The following SDK1 variants were observed in gnomAD, a reference collection of about 807,000 sequenced individuals.
SDK1 encodes the protein protein sidekick-1.
Under a neutral mutation model 245.5 loss-of-function variants are expected in SDK1, and 157 were observed. That is an observed-to-expected ratio of 0.64 (90% CI 0.56 to 0.73). The LOEUF is 0.73. Among genes scored for constraint, SDK1 ranks in the 30% least tolerant of loss-of-function variants. The probability of loss-of-function intolerance (pLI) is 0.00; values close to 1 mark genes in which losing one functional copy is unlikely to be tolerated. For synonymous variants in SDK1, 1,647 were observed against 1,278.5 expected, an observed-to-expected ratio of 1.29 and a Z score of -6.15; for missense variants, 3,583 against 3,002.3, an observed-to-expected ratio of 1.19 and a Z score of -4.52.
At chr7:3,549,647 CTTTTTAGCAAAGACTTAGGCTA>C (rs1412015819) in intron 1 of SDK1, among the ~76,000 whole-genome samples, 2 of 152,036 alleles carry the variant, frequency 1.3e-5, no homozygotes, top group Non-Finnish European at 2.9e-5. Context: ...TTTTTCCCTA[CTTTTTAGCAAAGACTTAGGCTA>C]TTGTAAATAA....
intron 12 of SDK1, among the ~76,000 whole-genome samples, chr7:3,972,277 C>T (rs1314258124): frequency 6.6e-6 from 1 of 152,220 alleles, no homozygotes; most frequent in East Asian, 1.9e-4. Flanking sequence ...GACGGCGTTT[C>T]ACCATGTTAG....
rs1165013322 is a variant in SDK1 at position 4,021,864 on chromosome 7, T to A, written c.2602+4512T>A. 3.9e-5 allele frequency among the ~76,000 whole-genome samples: 6 copies of A among 152,252 alleles called. No homozygotes were observed. The East Asian group carries it at 1.2e-3, about 29-fold the overall frequency. On this transcript the variant is annotated intron_variant, in intron 17 of 44. Coordinates refer to ENST00000404826, the MANE Select transcript of SDK1 (RefSeq NM_152744.4). Reference sequence around the variant, plus strand: ...CTTCTGCCTCACTTTCTAAGTGAGATGAAATCTGACAATGGGCTCCTGGCT... The same window carrying A: ...CTTCTGCCTCACTTTCTAAGTGAGAAGAAATCTGACAATGGGCTCCTGGCT...
At chr7:3,534,676 T>C (rs1778823071) in intron 1 of SDK1, among the ~76,000 whole-genome samples, 1 of 152,198 alleles carries the variant, frequency 6.6e-6, no homozygotes, top group Non-Finnish European at 1.5e-5. Context: ...TTTCCTCGGT[T>C]GTTTGTGATA....
intron 1 of SDK1, among the ~76,000 whole-genome samples, chr7:3,362,235 T>C (rs1208720203): frequency 3.9e-5 from 6 of 152,208 alleles, no homozygotes; most frequent in Non-Finnish European, 7.4e-5. Flanking sequence ...CAGTGTGTAA[T>C]CTGTTTTCAC....
chr7:3,456,806 A>C (rs1187672153), intron 1 of SDK1, among the ~76,000 whole-genome samples: 4 of 152,138 alleles, frequency 2.6e-5, no homozygotes, highest in African/African-American at 9.7e-5. Flanking sequence ...CTGTTATGTT[A>C]GGAGACTCTT....
In SDK1 at chr7:3,524,729, CTGTT is replaced by C. The variant is rs113086144; in HGVS notation, c.299-94350_299-94347del. ...TTTAGACATGTTCACTTTGAGAAGT[CTGTT>C]AGGTAGCCAGAAGGAACTGTTGCAC... On this transcript the variant is annotated intron_variant, in intron 1 of 44. Transcript: ENST00000404826. 3.2e-4 allele frequency among the ~76,000 whole-genome samples: 49 copies of C among 152,132 alleles called. 1 individual carries two copies. Among genetic ancestry groups the C allele is most frequent in the Admixed American group, 1.2e-3 (18 of 15,262 alleles).
At chr7:3,972,866 GCAAAA>G (rs929597922) in intron 12 of SDK1, among the ~76,000 whole-genome samples, 7 of 152,220 alleles carry the variant, frequency 4.6e-5, no homozygotes, top group Non-Finnish European at 1.0e-4. Flanking sequence ...GGTGCCGAAT[GCAAAA>G]CAAAACAAGC....
intron 1 of SDK1, among the ~76,000 whole-genome samples, chr7:3,526,865 T>C (rs988906248): frequency 3.3e-5 from 5 of 152,218 alleles, no homozygotes; most frequent in African/African-American, 1.2e-4. Flanking sequence ...TTTAGCTTTA[T>C]ATTATGAAGA....
At chr7:3,846,195 C>G (rs777737946) in intron 5 of SDK1, among the ~76,000 whole-genome samples, 4 of 152,004 alleles carry the variant, frequency 2.6e-5, no homozygotes, top group Admixed American at 6.5e-5. Flanking sequence ...GTGCCCAACA[C>G]ATGCATGTAC....
At chr7:3,665,090 A>T (rs962538197) in intron 4 of SDK1, among the ~76,000 whole-genome samples, 1 of 152,076 alleles carries the variant, frequency 6.6e-6, no homozygotes, top group East Asian at 1.9e-4. Context: ...GAAAGAGTGG[A>T]CTCTCTGGCT....
At chr7:4,119,762 T>C (rs992164468) in intron 25 of SDK1, among the ~76,000 whole-genome samples, 2 of 148,948 alleles carry the variant, frequency 1.3e-5, no homozygotes, top group African/African-American at 4.9e-5. Context: ...AAAGCCTTTT[T>C]AAAGATGAAT....
intron 23 of SDK1, among the ~76,000 whole-genome samples, chr7:4,112,099 CA>C (rs1413847429): frequency 6.6e-6 from 1 of 152,148 alleles, no homozygotes; most frequent in Non-Finnish European, 1.5e-5. Flanking sequence ...AACATGTGCC[CA>C]AGGTGGTCAG....
intron 4 of SDK1, among the ~76,000 whole-genome samples, chr7:3,695,691 T>C (rs957351762): frequency 4.6e-5 from 7 of 152,214 alleles, no homozygotes; most frequent in African/African-American, 1.2e-4. Context: ...ACACAGTTAA[T>C]TGAGACATTT....
chr7:3,354,595 A>G (rs75386183), intron 1 of SDK1, among the ~76,000 whole-genome samples: 3,532 of 152,286 alleles, frequency 0.023, 146 homozygotes, highest in African/African-American at 0.08. Flanking sequence ...GTCAAATGTA[A>G]TCAGTCTACA....
intron 4 of SDK1, among the ~76,000 whole-genome samples, chr7:3,723,083 C>T (rs1171694062): frequency 6.6e-6 from 1 of 152,222 alleles, no homozygotes; most frequent in African/African-American, 2.4e-5. Context: ...GATAGCATAT[C>T]TGTGTTAGGA....
At chr7:4,039,394 A>G (rs1362699903) in intron 17 of SDK1, among the ~76,000 whole-genome samples, 8 of 152,162 alleles carry the variant, frequency 5.3e-5, no homozygotes, top group African/African-American at 1.7e-4. Context: ...TTTACTAAAT[A>G]TATACATATT....
At chr7:4,167,173 C>A (rs905463421) in intron 32 of SDK1, among the ~76,000 whole-genome samples, 5 of 152,204 alleles carry the variant, frequency 3.3e-5, no homozygotes, top group Non-Finnish European at 5.9e-5. Context: ...GCGGGCAGAT[C>A]ACGAGGTCGA....
At chr7:3,458,490 A>G (rs1780735483) in intron 1 of SDK1, among the ~76,000 whole-genome samples, 1 of 151,572 alleles carries the variant, frequency 6.6e-6, no homozygotes, top group Non-Finnish European at 1.5e-5. Context: ...TTTATTGCTC[A>G]GTTCTTTTTC....
At chr7:3,732,805 C>G (rs1259695209) in intron 4 of SDK1, among the ~76,000 whole-genome samples, 1 of 152,202 alleles carries the variant, frequency 6.6e-6, no homozygotes, top group African/African-American at 2.4e-5. Context: ...TGAGGCAGTT[C>G]AAGGCTTTAA....
Sources: allele counts gnomAD v4.1 joint callset (sites outside exome capture counted in the v4.1 genomes callset), GRCh38; gene constraint gnomAD v4.1.1; transcripts MANE v1.5; gene names NCBI Gene and HGNC (gene_info 2026-07-23, HGNC 2026-07-21).